The following MTMR7 variants were observed in gnomAD, a reference collection of about 807,000 sequenced individuals.
MTMR7 encodes myotubularin related protein 7.
MTMR7 carries 76 observed loss-of-function variants against 81.2 expected under a neutral mutation model. That is an observed-to-expected ratio of 0.94 (90% CI 0.78 to 1.13). The LOEUF (loss-of-function observed/expected upper bound fraction) is 1.13, where lower values mean the gene tolerates loss of function less well. MTMR7 is among the 50% of genes most tolerant of loss of function. The pLI, the probability that MTMR7 is intolerant of heterozygous loss-of-function variation, is 0.00. For synonymous variants in MTMR7, 372 were observed against 289.8 expected (o/e 1.28, Z -2.88); for missense variants, 1,044 against 820.0 (o/e 1.27, Z -3.34).
rs1351897680 is a variant in MTMR7 at position 17,361,176 on chromosome 8, T to C, written c.409A>G (p.Thr137Ala). The C allele has an allele frequency of 1.2e-6, 2 of 1,614,214 alleles. No individual in the cohort carries two copies. Among genetic ancestry groups the C allele is most frequent in the Non-Finnish European group, 1.7e-6 (2 of 1,180,036 alleles). Residue 137 changes from threonine to alanine, a missense_variant, in exon 4 of 14, where the codon ACG becomes GCG. Transcript: ENST00000180173. ...WVLIDLSEEY[T>A]RMGLPNHYWQ... ...TAATGATTAGGGAGGCCCATCCGCG[T>C]GTATTCTTCACTAAGATCGATCAGC... is the stretch of plus-strand genomic sequence containing the variant.
chr8:17,396,382 T>C (rs1272888284), intron 1 of MTMR7, among the ~76,000 whole-genome samples: 2 of 152,204 alleles, frequency 1.3e-5, no homozygotes, highest in East Asian at 3.9e-4. Flanking sequence ...CCCCTGGTAG[T>C]GACTAAGTTC....
At chr8:17,399,852 A>C (rs1821370442) in intron 1 of MTMR7, among the ~76,000 whole-genome samples, 1 of 148,430 alleles carries the variant, frequency 6.7e-6, no homozygotes, top group Admixed American at 6.9e-5. Flanking sequence ...ACATATATAC[A>C]ATGGAGCAAG....
intron 1 of MTMR7, among the ~76,000 whole-genome samples, chr8:17,375,910 A>G (rs28609055): frequency 0.028 from 4,285 of 152,290 alleles, 199 homozygotes; most frequent in African/African-American, 0.097. Context: ...CTGTTGAGAT[A>G]TAACTCATAT....
chr8:17,391,236 C>G (rs948522308), intron 1 of MTMR7, among the ~76,000 whole-genome samples: 1 of 152,112 alleles, frequency 6.6e-6, no homozygotes, highest in Non-Finnish European at 1.5e-5. Flanking sequence ...AACGTTATGA[C>G]TTTGACTTTC....
At chr8:17,317,143 G>T (rs1248635529) in intron 7 of MTMR7, among the ~76,000 whole-genome samples, 5 of 152,142 alleles carry the variant, frequency 3.3e-5, no homozygotes, top group African/African-American at 9.7e-5. Flanking sequence ...TGTGTGTTGT[G>T]GGGGTGTGGT....
chr8:17,318,608 G>A (rs933106621), intron 7 of MTMR7, among the ~76,000 whole-genome samples: 1 of 152,114 alleles, frequency 6.6e-6, no homozygotes, highest in African/African-American at 2.4e-5. Context: ...GGGTCCTACC[G>A]CATCATGTCA....
chr8:17,368,213 G>A (rs1417464690), intron 3 of MTMR7, among the ~76,000 whole-genome samples: 2 of 152,124 alleles, frequency 1.3e-5, no homozygotes, highest in African/African-American at 2.4e-5. Context: ...AATGCCACGA[G>A]TGATCTCACA....
intron 1 of MTMR7, among the ~76,000 whole-genome samples, chr8:17,375,938 T>C (rs1820572689): frequency 6.6e-6 from 1 of 152,218 alleles, no homozygotes; most frequent in South Asian, 2.1e-4. Context: ...GGTTCACCCA[T>C]TTAAATGTAC....
intron 7 of MTMR7, among the ~76,000 whole-genome samples, chr8:17,323,396 C>T (rs944170377): frequency 2.6e-5 from 4 of 151,948 alleles, no homozygotes; most frequent in Non-Finnish European, 1.5e-5. Context: ...AATATACAAA[C>T]GGAGCCAGGA....
At position 17,363,603 on chromosome 8, in the gene MTMR7, T is replaced by A. The variant is rs549103270; in HGVS notation, c.311-2329A>T. Among the ~76,000 whole-genome samples, 13 of 152,258 alleles carry A rather than the reference T, an allele frequency of 8.5e-5. 2 individuals are homozygous for A. Among genetic ancestry groups the A allele is most frequent in the African/African-American group, 3.1e-4 (13 of 41,556 alleles). On this transcript the variant is annotated intron_variant, in intron 3 of 13. Coordinates refer to ENST00000180173, the MANE Select transcript of MTMR7 (RefSeq NM_004686.5). The stretch of plus-strand genomic sequence containing the variant: ...GACACTGAAATTATGAAATTTTCCC[T>A]TTTTTAAGGAAAAGGGTGATCAACC...
chr8:17,385,904 T>A (rs1393121126), intron 1 of MTMR7, among the ~76,000 whole-genome samples: 4 of 152,220 alleles, frequency 2.6e-5, no homozygotes, highest in Non-Finnish European at 4.4e-5. Context: ...CTCAGATATT[T>A]ATTTATACCA....
chr8:17,385,149 G>C (rs1384622089), intron 1 of MTMR7, among the ~76,000 whole-genome samples: 1 of 152,110 alleles, frequency 6.6e-6, no homozygotes, highest in African/African-American at 2.4e-5. Flanking sequence ...TAATATAGTT[G>C]ATATCGTTTG....
At chr8:17,399,060 G>A (rs764126793) in intron 1 of MTMR7, among the ~76,000 whole-genome samples, 6 of 151,854 alleles carry the variant, frequency 4.0e-5, no homozygotes, top group Non-Finnish European at 8.8e-5. Context: ...TTTTGTCTAC[G>A]ATCTGGAACA....
intron 1 of MTMR7, among the ~76,000 whole-genome samples, chr8:17,404,578 A>C (rs1821523342): frequency 6.6e-6 from 1 of 152,158 alleles, no homozygotes; most frequent in Non-Finnish European, 1.5e-5. Context: ...AATTGATGAG[A>C]AACCATACTT....
In MTMR7 at chr8:17,300,027, G is replaced by A; in HGVS notation, c.1818C>T (p.Thr606=). 6.2e-7 allele frequency: 1 copy of A among 1,614,114 alleles called. No individual in the cohort carries two copies. The highest frequency in any genetic ancestry group is 1.7e-5 in the Admixed American group (1 of 60,002). The part of the protein sequence containing the change: ...QGDEDSALIL[T]QDNLKSSDPD... ...GATCTGAACTTTTCAGATTGTCTTG[G>A]GTTAGAATCAGAGCAGAATCTTCAT... The change falls in exon 14 of 14, where the codon ACC becomes ACT. Residue 606 remains threonine, a synonymous_variant. Coordinates refer to ENST00000180173, the MANE Select transcript of MTMR7 (RefSeq NM_004686.5).
intron 1 of MTMR7, among the ~76,000 whole-genome samples, chr8:17,395,912 T>C (rs1821231632): frequency 6.6e-6 from 1 of 152,196 alleles, no homozygotes; most frequent in Admixed American, 6.5e-5. Context: ...TCCAGTATAC[T>C]TTTAAATACA....
At chr8:17,303,957 T>G (rs902312162) in intron 12 of MTMR7, among the ~76,000 whole-genome samples, 1 of 152,204 alleles carries the variant, frequency 6.6e-6, no homozygotes, top group Non-Finnish European at 1.5e-5. Flanking sequence ...ATTACGTTGG[T>G]GCAAAAGTAA....
intron 2 of MTMR7, among the ~76,000 whole-genome samples, chr8:17,371,922 CATTACT>C (rs1381790763): frequency 7.5e-6 from 1 of 133,142 alleles, no homozygotes; most frequent in Non-Finnish European, 1.6e-5. Flanking sequence ...TTGAAATATA[CATTACT>C]ATTGAGTATG....
chr8:17,322,595 G>A (rs1033122769), intron 7 of MTMR7, among the ~76,000 whole-genome samples: 1 of 152,148 alleles, frequency 6.6e-6, no homozygotes, highest in Admixed American at 6.5e-5. Flanking sequence ...CAAGGCAGTA[G>A]GATTGCTTGA....
Sources: gnomAD v4.1 joint callset for allele counts (sites outside exome capture counted in the v4.1 genomes callset) on GRCh38, gnomAD v4.1.1 for gene constraint, MANE v1.5 for transcripts, NCBI Gene and HGNC (gene_info 2026-07-23, HGNC 2026-07-21) for gene names.